The following TTLL11 variants were observed in gnomAD, a reference collection of about 807,000 sequenced individuals.
TTLL11 encodes tubulin polyglutamylase TTLL11.
TTLL11 carries 42 observed loss-of-function variants against 51.7 expected under a neutral mutation model. The ratio of observed to expected loss-of-function variants is 0.81; its 90% CI spans 0.64 to 1.05. The LOEUF (loss-of-function observed/expected upper bound fraction) is 1.05, where lower values mean the gene tolerates loss of function less well. TTLL11 is among the 50% of genes least tolerant of loss of function. TTLL11 has a pLI of 0.00. For synonymous variants in TTLL11, 381 were observed against 383.5 expected (o/e 0.99, Z 0.08); for missense variants, 799 against 940.4 (o/e 0.85, Z 1.97).
chr9:122,044,716 T>C (rs1844952768), intron 1 of TTLL11, among the ~76,000 whole-genome samples: 1 of 152,236 alleles, frequency 6.6e-6, no homozygotes, highest in Non-Finnish European at 1.5e-5. Context: ...GATATACTAA[T>C]GGCCAATGAG....
At chr9:122,043,532 G>C (rs926464910) in intron 1 of TTLL11, among the ~76,000 whole-genome samples, 3 of 151,972 alleles carry the variant, frequency 2.0e-5, no homozygotes, top group African/African-American at 7.2e-5. Flanking sequence ...CAAATCAAAG[G>C]CCTAATCATA....
chr9:122,030,757 A>C, intron 3 of TTLL11, among the ~76,000 whole-genome samples: 1 of 138,426 alleles, frequency 7.2e-6, no homozygotes, highest in Admixed American at 7.4e-5. Flanking sequence ...CACCATCTCT[A>C]CCAAAAATAC....
intron 1 of TTLL11, 45 bp from the exon 2 acceptor site, chr9:122,039,413 G>A (rs748301627): frequency 1.4e-5 from 20 of 1,468,714 alleles, no homozygotes; most frequent in East Asian, 4.5e-5. Flanking sequence ...AAGAAGAGCA[G>A]TGACCACACT....
At chr9:121,975,015 C>T (rs929745992) in intron 4 of TTLL11, 36 bp from the exon 5 acceptor site, 1 of 1,434,868 alleles carries the variant, frequency 7.0e-7, no homozygotes, top group Non-Finnish European at 9.4e-7. Flanking sequence ...ATTACTGTCT[C>T]TATTGAGTAT....
At chr9:121,985,043 C>T (rs1281171584) in intron 4 of TTLL11, among the ~76,000 whole-genome samples, 2 of 152,182 alleles carry the variant, frequency 1.3e-5, no homozygotes, top group South Asian at 2.1e-4. Context: ...TGAGCAGTGC[C>T]CGCAACTGCT....
chr9:122,070,540 C>G (rs565628028), intron 1 of TTLL11, among the ~76,000 whole-genome samples: 1 of 152,236 alleles, frequency 6.6e-6, no homozygotes, highest in Non-Finnish European at 1.5e-5. Flanking sequence ...AAATGTGACA[C>G]CCCGAGGAAG....
chr9:122,052,249 G>A (rs1442778152), intron 1 of TTLL11, among the ~76,000 whole-genome samples: 2 of 152,158 alleles, frequency 1.3e-5, no homozygotes, highest in Non-Finnish European at 2.9e-5. Context: ...CCAGACAGAG[G>A]AGAAATTCCA....
chr9:122,034,724 G>A (rs571738702), intron 2 of TTLL11, among the ~76,000 whole-genome samples: 40 of 152,172 alleles, frequency 2.6e-4, no homozygotes, highest in African/African-American at 7.7e-4. Context: ...CCTGACAAGC[G>A]TAGCAGGGTT....
chr9:122,069,059 A>G (rs1845664856), intron 1 of TTLL11, among the ~76,000 whole-genome samples: 1 of 152,202 alleles, frequency 6.6e-6, no homozygotes, highest in African/African-American at 2.4e-5. Context: ...GATGTTGAGA[A>G]CTTACACATT....
At chr9:122,002,437 T>C (rs1432393590) in intron 3 of TTLL11, among the ~76,000 whole-genome samples, 2 of 152,196 alleles carry the variant, frequency 1.3e-5, no homozygotes, top group African/African-American at 4.8e-5. Flanking sequence ...ACTCTTTCCT[T>C]AGGCCCCTGT....
intron 3 of TTLL11, among the ~76,000 whole-genome samples, chr9:121,992,728 GATAC>G (rs1377404062): frequency 2.0e-5 from 3 of 152,208 alleles, no homozygotes; most frequent in Admixed American, 2.0e-4. Context: ...GGCTGAAAGA[GATAC>G]ACAGAGGAGG....
chr9:122,026,252 A>G (rs1055612501), intron 3 of TTLL11, among the ~76,000 whole-genome samples: 7 of 152,072 alleles, frequency 4.6e-5, no homozygotes, highest in Non-Finnish European at 1.0e-4. Context: ...CAGCCTGGCC[A>G]ACATGGTGAA....
intron 3 of TTLL11, among the ~76,000 whole-genome samples, chr9:122,000,290 T>C (rs1458320229): frequency 6.6e-6 from 1 of 151,806 alleles, no homozygotes; most frequent in African/African-American, 2.4e-5. Flanking sequence ...CCTAACACGG[T>C]GAAACCCCAT....
At chr9:122,077,500 G>C (rs561139500) in intron 1 of TTLL11, among the ~76,000 whole-genome samples, 21 of 152,136 alleles carry the variant, frequency 1.4e-4, no homozygotes, top group African/African-American at 4.3e-4. Context: ...TTCCAGACTA[G>C]TGCAGGGAGA....
intron 6 of TTLL11, among the ~76,000 whole-genome samples, chr9:121,887,431 G>A (rs1490133464): frequency 1.3e-5 from 2 of 152,204 alleles, no homozygotes; most frequent in Non-Finnish European, 2.9e-5. Context: ...GATGGCAATG[G>A]TGGTTGAATG....
chr9:122,017,925 CTG>C (rs1178998403), intron 3 of TTLL11, among the ~76,000 whole-genome samples: 1 of 152,072 alleles, frequency 6.6e-6, no homozygotes, highest in South Asian at 2.1e-4. Context: ...AAAAACAGCT[CTG>C]TGTGTTATAG....
At chr9:122,033,666 G>A (rs1188472092) in intron 2 of TTLL11, among the ~76,000 whole-genome samples, 2 of 152,172 alleles carry the variant, frequency 1.3e-5, no homozygotes, top group Non-Finnish European at 2.9e-5. Context: ...ATCTGGGAAG[G>A]AAAGTTTTAA....
At chr9:122,026,113 C>T (rs1190463126) in intron 3 of TTLL11, among the ~76,000 whole-genome samples, 1 of 151,896 alleles carries the variant, frequency 6.6e-6, no homozygotes, top group East Asian at 1.9e-4. Flanking sequence ...TCCACTGTTG[C>T]CTGATGATAG....
At chr9:121,824,957 A>G (rs540864772) in intron 8 of TTLL11, among the ~76,000 whole-genome samples, 6 of 152,322 alleles carry the variant, frequency 3.9e-5, no homozygotes, top group Non-Finnish European at 8.8e-5. Context: ...CCTCCCTTAT[A>G]GTCCATCAGA....
Sources: gnomAD v4.1 joint callset for allele counts (sites outside exome capture counted in the v4.1 genomes callset) on GRCh38, gnomAD v4.1.1 for gene constraint, MANE v1.5 for transcripts, NCBI Gene and HGNC (gene_info 2026-07-23, HGNC 2026-07-21) for gene names.